NUP93: variants seen among roughly 807,000 people sequenced by gnomAD.
NUP93 encodes the protein nucleoporin 93.
Under a neutral mutation model 107.8 loss-of-function variants are expected in NUP93, and 55 were observed. The observed-to-expected ratio is 0.51, with a 90% CI of 0.41 to 0.64. NUP93 has a LOEUF of 0.64. Ranked by LOEUF, NUP93 falls within the 30% of genes least tolerant of loss-of-function variation. NUP93 has a pLI of 0.00. For synonymous variants in NUP93, 390 were observed against 397.5 expected, an observed-to-expected ratio of 0.98 and a Z score of 0.22; for missense variants, 937 against 1,044.7, an observed-to-expected ratio of 0.90 and a Z score of 1.42.
chr16:56,773,239 G>C (rs1370464936), intron 3 of NUP93, among the ~76,000 whole-genome samples: 1 of 152,238 alleles, frequency 6.6e-6, no homozygotes, highest in African/African-American at 2.4e-5. Context: ...ATTTGGTTGC[G>C]TTTCTTGTGT....
intron 5 of NUP93, among the ~76,000 whole-genome samples, chr16:56,808,208 T>C (rs1963202061): frequency 8.4e-6 from 1 of 118,900 alleles, no homozygotes. Context: ...ATATAAAATA[T>C]ATAGTTATGT....
At chr16:56,802,972 C>G (rs994509149) in intron 4 of NUP93, among the ~76,000 whole-genome samples, 4 of 152,214 alleles carry the variant, frequency 2.6e-5, no homozygotes, top group Admixed American at 1.3e-4. Flanking sequence ...CTCCCACCCC[C>G]TCCCCAGACT....
chr16:56,740,294 TC>T (rs2144440765), intron 1 of NUP93, among the ~76,000 whole-genome samples: 1 of 143,724 alleles, frequency 7.0e-6, no homozygotes, highest in Admixed American at 6.8e-5. Flanking sequence ...GCAGAGGGTC[TC>T]CTCACTTCTC....
At chr16:56,784,263 G>A (rs1174287786) in intron 3 of NUP93, among the ~76,000 whole-genome samples, 3 of 152,100 alleles carry the variant, frequency 2.0e-5, no homozygotes, top group Admixed American at 2.0e-4. Context: ...AGAATGGCTG[G>A]ATTTTAATTT....
chr16:56,734,871 C>T (rs976055199), intron 1 of NUP93, among the ~76,000 whole-genome samples: 1 of 152,180 alleles, frequency 6.6e-6, no homozygotes, highest in African/African-American at 2.4e-5. Flanking sequence ...TGCTAGAATA[C>T]GGCCTTCCTC....
chr16:56,819,449 C>T (rs1185340230), intron 6 of NUP93, among the ~76,000 whole-genome samples: 1 of 152,204 alleles, frequency 6.6e-6, no homozygotes, highest in African/African-American at 2.4e-5. Flanking sequence ...GGCAGTGGGC[C>T]TCCATCCCCT....
At chr16:56,761,753 A>G (rs1036408761) in intron 3 of NUP93, among the ~76,000 whole-genome samples, 9 of 152,326 alleles carry the variant, frequency 5.9e-5, no homozygotes, top group Admixed American at 2.0e-4. Context: ...GCATTTTGCC[A>G]CTTATGCATT....
chr16:56,805,840 C>CA (rs1294492477), intron 5 of NUP93, among the ~76,000 whole-genome samples: 1 of 151,978 alleles, frequency 6.6e-6, no homozygotes, highest in Non-Finnish European at 1.5e-5. Flanking sequence ...GAGCTTTCCT[C>CA]AAATTCCCTG....
At chr16:56,822,455 G>A (rs1371207571) in intron 7 of NUP93, among the ~76,000 whole-genome samples, 1 of 150,822 alleles carries the variant, frequency 6.6e-6, no homozygotes, top group Admixed American at 6.6e-5. Context: ...CCAGGCTGCA[G>A]TGAGCCATGA....
chr16:56,828,951 T>C, intron 8 of NUP93, 26 bp from the exon 9 acceptor site: 2 of 1,610,752 alleles, frequency 1.2e-6, no homozygotes, highest in Non-Finnish European at 1.7e-6. Context: ...CAGTCTTCCC[T>C]GTTTTTTCCT....
chr16:56,842,488 CAA>C, intron 21 of NUP93: 2 of 390,762 alleles, frequency 5.1e-6, no homozygotes, highest in Non-Finnish European at 9.9e-6. Context: ...TGTCTGATTA[CAA>C]AAAAAAAGAG....
chr16:56,741,914 C>T (rs1396494609), intron 1 of NUP93: 1 of 152,158 alleles, frequency 6.6e-6, no homozygotes, highest in Non-Finnish European at 1.5e-5. Context: ...TGTCATCTCC[C>T]CATGCAAGTC....
chr16:56,828,898 T>C, intron 8 of NUP93, 79 bp from the exon 9 acceptor site: 1 of 1,456,152 alleles, frequency 6.9e-7, no homozygotes, highest in Non-Finnish European at 9.5e-7. Flanking sequence ...AGCTACAGTG[T>C]AATGTCATGG....
chr16:56,738,180 A>G (rs1385245545), intron 1 of NUP93, among the ~76,000 whole-genome samples: 5 of 152,136 alleles, frequency 3.3e-5, no homozygotes, highest in African/African-American at 1.2e-4. Context: ...CACCTGAGCA[A>G]CCCCCTCATC....
At chr16:56,832,723 G>C (rs1480340295) in intron 12 of NUP93, among the ~76,000 whole-genome samples, 1 of 152,122 alleles carries the variant, frequency 6.6e-6, no homozygotes, top group Non-Finnish European at 1.5e-5. Flanking sequence ...TGAGCACAAA[G>C]GAGAGAGAAA....
chr16:56,771,016 G>A (rs1217789319), intron 3 of NUP93, among the ~76,000 whole-genome samples: 1 of 152,084 alleles, frequency 6.6e-6, no homozygotes, highest in African/African-American at 2.4e-5. Flanking sequence ...GCTTCCTTAT[G>A]TGCTAAAAGG....
In NUP93 at chr16:56,834,253, A is replaced by G; in HGVS notation, c.1663A>G (p.Arg555Gly). The change falls in exon 14 of 22, where the codon AGG becomes GGG. Residue 555 changes from arginine (R) to glycine (G), a missense_variant and splice_region_variant. Physicochemically the swap from Arg to Gly is moderately radical, Grantham distance 125. Coordinates refer to ENST00000308159, the MANE Select transcript of NUP93 (RefSeq NM_014669.5). The part of the protein sequence containing the change: ...REALQYFYFL[R>G]DEKDSQGENM... ...GGCCCTCCAGTACTTCTATTTCCTC[A>G]GGTAACATTTGCTTTTGACCATTTA... 1 of 1,614,018 alleles carries G rather than the reference A, an allele frequency of 6.2e-7. No individual in the cohort carries two copies. The highest frequency in any genetic ancestry group is 8.5e-7 in the Non-Finnish European group (1 of 1,179,886).
chr16:56,748,440 G>A lies in NUP93; in HGVS notation c.179+14G>A. On this transcript the variant is annotated intron_variant, in intron 2 of 21. Transcript: ENST00000308159. ...AGATGTCAAGGCGTGAGTACTGGTAGGGAGACAGCATTAGTACTGGGTGGC... is the reference window on the plus strand; with the variant it reads ...AGATGTCAAGGCGTGAGTACTGGTAAGGAGACAGCATTAGTACTGGGTGGC... The A allele has an allele frequency of 6.2e-7, 1 of 1,604,876 alleles. No individual in the cohort carries two copies. Among genetic ancestry groups the A allele is most frequent in the Non-Finnish European group, 8.5e-7 (1 of 1,173,712 alleles).
At chr16:56,752,137 C>CTGG (rs1961932078) in intron 2 of NUP93, among the ~76,000 whole-genome samples, 1 of 152,156 alleles carries the variant, frequency 6.6e-6, no homozygotes, top group Non-Finnish European at 1.5e-5. Context: ...TATTTTGGCA[C>CTGG]TGGATACATT....
Sources: allele counts gnomAD v4.1 joint callset (sites outside exome capture counted in the v4.1 genomes callset), GRCh38; gene constraint gnomAD v4.1.1; transcripts MANE v1.5; gene names NCBI Gene and HGNC (gene_info 2026-07-23, HGNC 2026-07-21).